Variants in DISP2 observed in about 807,000 individuals in gnomAD.
The protein encoded by DISP2 is protein dispatched homolog 2.
In DISP2, 59 loss-of-function variants were observed where a neutral mutation model predicts 95.5. The observed-to-expected ratio is 0.62, with a 90% CI of 0.50 to 0.77. The LOEUF (loss-of-function observed/expected upper bound fraction) is 0.77. Among genes scored for constraint, DISP2 ranks in the 30% least tolerant of loss-of-function variants. DISP2 has a pLI of 0.00. For synonymous variants in DISP2, 827 were observed against 815.0 expected (o/e 1.01, Z -0.25); for missense variants, 1,752 against 1,854.6 (o/e 0.94, Z 1.02).
intron 1 of DISP2, among the ~76,000 whole-genome samples, chr15:40,362,858 G>A (rs1889426512): frequency 1.3e-5 from 2 of 152,192 alleles, no homozygotes; most frequent in African/African-American, 4.8e-5. Flanking sequence ...TAATCTGTCT[G>A]GCAAGAGAAA....
In DISP2 at chr15:40,377,267, T is replaced by G. The variant is rs62018002; in HGVS notation, c.*6949T>G. 26,370 of 149,876 alleles carry G rather than the reference T, an allele frequency of 0.18. 2,575 individuals are homozygous for G. Among genetic ancestry groups the G allele is most frequent in the Non-Finnish European group, 0.22 (14,950 of 67,772 alleles). 9.3% of individuals were successfully genotyped at this position (149,876 alleles called of 1,614,324 possible). A position where few individuals can be genotyped will look rare whatever the true frequency, so the allele number is the denominator to read the frequency against. On this transcript the variant is annotated 3_prime_UTR_variant, in exon 8 of 8. Coordinates refer to ENST00000267889, the MANE Select transcript of DISP2 (RefSeq NM_033510.3). The stretch of plus-strand genomic sequence containing the variant: ...TGAACCCGGGAGGCGGAGCTTGCAG[T>G]GAGCCGAGATTGCGCCACTGCACTC...
At chr15:40,365,407 G>A in intron 6 of DISP2, 133 bp downstream of exon 6, 2 of 1,463,714 alleles carry the variant, frequency 1.4e-6, no homozygotes, top group Non-Finnish European at 1.8e-6. Context: ...AGCCAAGGAA[G>A]CCGGGTTACA....
rs1445578197 is a variant in DISP2 at position 40,370,501 on chromosome 15, A to T, written c.*183A>T. ...TGATCTGTCTGCTCCTACTCCTCAC[A>T]TCTGGAGGATTCCAGCAGGAGGGGT... On this transcript the variant is annotated 3_prime_UTR_variant, in exon 8 of 8. Transcript: ENST00000267889. 3 of 1,107,460 alleles carry T rather than the reference A, an allele frequency of 2.7e-6. No individual in the cohort carries two copies. In the African/African-American group the frequency reaches 4.6e-5, roughly 17 times the overall value. The allele number at this position is 1,107,460 out of a possible 1,614,324, so 68.6% of individuals were successfully genotyped here. A position where few individuals can be genotyped will look rare whatever the true frequency, so the allele number is the denominator to read the frequency against.
At chr15:40,364,712 A>G (rs1379404401) in intron 4 of DISP2, 126 bp from the exon 5 acceptor site, 8 of 1,395,338 alleles carry the variant, frequency 5.7e-6, no homozygotes, top group Non-Finnish European at 7.8e-6. Flanking sequence ...TCAGACTCAC[A>G]TCCACAATTC....
In DISP2 at chr15:40,364,958, C is replaced by T. The variant is rs748148160; in HGVS notation, c.719+5C>T. 28 of 1,613,652 alleles carry T rather than the reference C, an allele frequency of 1.7e-5. No homozygotes were observed. The highest frequency in any genetic ancestry group is 2.3e-5 in the Non-Finnish European group (27 of 1,179,746). On this transcript the variant is annotated splice_donor_5th_base_variant and intron_variant, in intron 5 of 7. Transcript: ENST00000267889. ...CCCAGACCTTGAGCTGAACAGGTAACAGGCTCTCATCTTTTCACTGTGGGT... is the reference window on the plus strand; with the variant it reads ...CCCAGACCTTGAGCTGAACAGGTAATAGGCTCTCATCTTTTCACTGTGGGT...
chr15:40,363,499 A>G, intron 1 of DISP2, 126 bp from the exon 2 acceptor site: 2 of 708,792 alleles, frequency 2.8e-6, no homozygotes, highest in East Asian at 2.9e-5. Flanking sequence ...CTTCTCCCCC[A>G]GGACTAATAA....
rs1418521506 is a variant in DISP2, at chr15:40,372,202, G to A, written c.*1884G>A. On this transcript the variant is annotated 3_prime_UTR_variant, in exon 8 of 8. Transcript: ENST00000267889. ...CCTGTCTTTCCACTGCAGCCTCTCC[G>A]GGTATCTGGGGAACCCCTCCGGCTC... 4.6e-5 allele frequency: 7 copies of A among 152,164 alleles called. No homozygotes were observed. Among genetic ancestry groups the A allele is most frequent in the Admixed American group, 1.3e-4 (2 of 15,282 alleles). 9.4% of individuals were successfully genotyped at this position (152,164 alleles called of 1,614,324 possible).
chr15:40,367,567 G>C lies in DISP2; in HGVS notation c.1455G>C (p.Leu485=). 1 of 1,613,856 alleles carries C rather than the reference G, an allele frequency of 6.2e-7. No homozygotes were observed. Among genetic ancestry groups the C allele is most frequent in the Non-Finnish European group, 8.5e-7 (1 of 1,179,988 alleles). Residue 485 remains leucine (L), a synonymous_variant, in exon 8 of 8, where the codon CTG becomes CTC. Transcript: ENST00000267889. ...AGCAGGAGCTGCTGAGGCACTTCCT[G>C]GTCCAGGACACGGTGTACCCCTTGC... The part of the protein sequence containing the change: ...GLKQELLRHF[L]VQDTVYPLLA...
In DISP2 at chr15:40,368,807, A is replaced by G; in HGVS notation, c.2695A>G (p.Ser899Gly). Reference protein sequence around the residue: ...DLGLRFDAHGSLAALVLQFQT... With the variant: ...DLGLRFDAHGGLAALVLQFQT... ...GGGACTCCGCTTTGATGCCCATGGC[A>G]GCCTGGCCGCCCTGGTCCTACAATT... is the stretch of plus-strand genomic sequence containing the variant. Residue 899 changes from serine (S) to glycine (G), a missense_variant, in exon 8 of 8, where the codon AGC (serine) becomes GGC (glycine). Physicochemically the swap from Ser to Gly is moderately conservative, Grantham distance 56. Around this residue, in one of 5 missense-constraint regions of DISP2, gnomAD observed 317 missense variants for 394.9 expected, o/e 0.80. Coordinates refer to ENST00000267889, the MANE Select transcript of DISP2 (RefSeq NM_033510.3). The G allele has an allele frequency of 6.2e-7, 1 of 1,613,942 alleles. No individual in the cohort carries two copies. Among genetic ancestry groups the G allele is most frequent in the Non-Finnish European group, 8.5e-7 (1 of 1,180,044 alleles).
chr15:40,368,318 G>T lies in DISP2; in HGVS notation c.2206G>T (p.Gly736Cys). The T allele has an allele frequency of 6.2e-7, 1 of 1,603,678 alleles. No homozygotes were observed. The change falls in exon 8 of 8, where the codon GGC (glycine) becomes TGC (cysteine). Residue 736 changes from glycine to cysteine, a missense_variant. This residue lies in a region of DISP2 where 732 missense variants were observed against 714.6 expected (regional missense o/e 1.02). Coordinates refer to ENST00000267889, the MANE Select transcript of DISP2 (RefSeq NM_033510.3). ...GCGGCTGCCCACGCTGCCGCCGCCC[G>T]GCGGCCAGGTCTTCCGGCCCAGCCA... ...RLRLPTLPPP[G>C]GQVFRPSHPF...
chr15:40,364,221 C>A lies in DISP2; in HGVS notation c.450-5C>A. ...CAAGCAAGCATCTTTTCTTCTCTTC[C>A]ACAGGCAGGAACGAGCCTTCCAGAT... On this transcript the variant is annotated splice_polypyrimidine_tract_variant and splice_region_variant and intron_variant, in intron 2 of 7. Coordinates refer to ENST00000267889, the MANE Select transcript of DISP2 (RefSeq NM_033510.3). 1.2e-6 allele frequency: 2 copies of A among 1,614,136 alleles called. No homozygotes were observed. The highest frequency in any genetic ancestry group is 1.7e-6 in the Non-Finnish European group (2 of 1,180,036).
chr15:40,364,797 C>T, intron 4 of DISP2, 41 bp from the exon 5 acceptor site: 1 of 1,591,670 alleles, frequency 6.3e-7, no homozygotes, highest in Non-Finnish European at 8.6e-7. Flanking sequence ...TGGAGAACTC[C>T]TACCCTGCCC....
chr15:40,368,474 G>T lies in DISP2; in HGVS notation c.2362G>T (p.Asp788Tyr). The T allele has an allele frequency of 6.2e-7, 1 of 1,609,098 alleles. No homozygotes were observed. The highest frequency in any genetic ancestry group is 8.5e-7 in the Non-Finnish European group (1 of 1,179,878). The change falls in exon 8 of 8, where the codon GAC becomes TAC. Residue 788 changes from aspartate (D) to tyrosine (Y), a missense_variant. Transcript: ENST00000267889. ...VLPVDTGDPL[D>Y]PRSNSSLVRD... ...GCCTGTGGACACTGGCGACCCTCTG[G>T]ACCCTCGTAGCAACAGCAGCCTGGT...
At position 40,371,691 on chromosome 15, in the gene DISP2, A is replaced by G. The variant is rs1382241937; in HGVS notation, c.*1373A>G. The stretch of plus-strand genomic sequence containing the variant: ...ACCAAAGGCTGGTTCCTCCTTCCCA[A>G]ACTTCCTGGTAGGGAAGTTTTATCC... On this transcript the variant is annotated 3_prime_UTR_variant, in exon 8 of 8. Coordinates refer to ENST00000267889, the MANE Select transcript of DISP2 (RefSeq NM_033510.3). 6.6e-6 allele frequency: 1 copy of G among 152,134 alleles called. No homozygotes were observed. The highest frequency in any genetic ancestry group is 2.4e-5 in the African/African-American group (1 of 41,416). 9.4% of individuals were successfully genotyped at this position (152,134 alleles called of 1,614,324 possible).
At chr15:40,358,474 G>A (rs1889355429) in intron 1 of DISP2, 34 bp downstream of exon 1, 2 of 1,213,858 alleles carry the variant, frequency 1.6e-6, no homozygotes, top group South Asian at 3.7e-5. Context: ...CCGTATCACA[G>A]ACCCTCCCAG....
At chr15:40,366,814 C>G (rs1889503691) in intron 7 of DISP2, among the ~76,000 whole-genome samples, 1 of 152,182 alleles carries the variant, frequency 6.6e-6, no homozygotes, top group South Asian at 2.1e-4. Context: ...AGCAGGGTCT[C>G]TGAGGCTGAA....
In DISP2 at chr15:40,370,731, C is replaced by G; in HGVS notation, c.*413C>G. On this transcript the variant is annotated 3_prime_UTR_variant, in exon 8 of 8. Coordinates refer to ENST00000267889, the MANE Select transcript of DISP2 (RefSeq NM_033510.3). ...GGATCTTGTCAGGGTTCCTTACTGACCAGAGGAGCCCGCAGCAATCTCCAC... is the reference window on the plus strand; with the variant it reads ...GGATCTTGTCAGGGTTCCTTACTGAGCAGAGGAGCCCGCAGCAATCTCCAC... The G allele has an allele frequency of 2.2e-6, 1 of 456,092 alleles. No individual in the cohort carries two copies. Among genetic ancestry groups the G allele is most frequent in the Non-Finnish European group, 4.4e-6 (1 of 227,570 alleles). 28.3% of individuals were successfully genotyped at this position (456,092 alleles called of 1,614,324 possible). A position where few individuals can be genotyped will look rare whatever the true frequency, so the allele number is the denominator to read the frequency against.
Position 40,367,238 on chromosome 15 carries a change from C to T in DISP2, c.1126C>T (p.His376Tyr). The T allele has an allele frequency of 6.2e-7, 1 of 1,614,006 alleles. No homozygotes were observed. The highest frequency in any genetic ancestry group is 8.5e-7 in the Non-Finnish European group (1 of 1,179,998). ...ALLRTCALYY[H>Y]SGALVPSCLG... Reference sequence around the variant, plus strand: ...GCTTCGGACCTGTGCCCTCTACTACCACAGTGGCGCCTTGGTGCCCTCTTG... The same window carrying T: ...GCTTCGGACCTGTGCCCTCTACTACTACAGTGGCGCCTTGGTGCCCTCTTG... Residue 376 changes from histidine to tyrosine, a missense_variant, in exon 8 of 8, where the codon CAC becomes TAC. Physicochemically the swap from His to Tyr is moderately conservative, Grantham distance 83. Around this residue, in one of 5 missense-constraint regions of DISP2, gnomAD observed 732 missense variants for 714.6 expected, o/e 1.02. Transcript: ENST00000267889.
chr15:40,360,994 TAC>T (rs1328098438), intron 1 of DISP2, among the ~76,000 whole-genome samples: 1 of 152,218 alleles, frequency 6.6e-6, no homozygotes, highest in African/African-American at 2.4e-5. Flanking sequence ...TGTCCACACT[TAC>T]ACACACAACC....
Sources: gnomAD v4.1 joint callset for allele counts (sites outside exome capture counted in the v4.1 genomes callset) on GRCh38, gnomAD v4.1.1 for gene constraint, gnomAD v4.1.1 regional missense constraint, MANE v1.5 for transcripts, NCBI Gene and HGNC (gene_info 2026-07-23, HGNC 2026-07-21) for gene names.